PRUNE2: variants seen among roughly 807,000 people sequenced by gnomAD.
PRUNE2 encodes the protein prune homolog 2 with BCH domain, also known as protein prune homolog 2.
A neutral mutation model predicts 252.0 loss-of-function variants in PRUNE2; 164 were observed. That is an observed-to-expected ratio of 0.65 (90% CI 0.57 to 0.74). The LOEUF is 0.74. Among genes scored for constraint, PRUNE2 ranks in the 30% least tolerant of loss-of-function variants. The pLI, the probability that PRUNE2 is intolerant of heterozygous loss-of-function variation, is 0.00. For missense variants in PRUNE2, 3,495 were observed against 3,711.0 expected, an observed-to-expected ratio of 0.94 and a Z score of 1.51; for synonymous variants, 1,292 against 1,350.2, an observed-to-expected ratio of 0.96 and a Z score of 0.94.
At chr9:76,833,721 C>A (rs1287698485) in intron 4 of PRUNE2, among the ~76,000 whole-genome samples, 1 of 150,260 alleles carries the variant, frequency 6.7e-6, no homozygotes, top group Non-Finnish European at 1.5e-5. Flanking sequence ...GCCGAGATTG[C>A]GCCACTGCAC....
chr9:76,792,401 T>C (rs2055641568), intron 6 of PRUNE2, among the ~76,000 whole-genome samples: 1 of 152,176 alleles, frequency 6.6e-6, no homozygotes, highest in Admixed American at 6.6e-5. Flanking sequence ...ATCTCGGGTA[T>C]GTCCTTATTA....
chr9:76,676,484 A>G (rs2042610819), intron 9 of PRUNE2, among the ~76,000 whole-genome samples: 1 of 152,180 alleles, frequency 6.6e-6, no homozygotes, highest in Non-Finnish European at 1.5e-5. Flanking sequence ...ATACATTTAT[A>G]TGCATTTTTA....
intron 6 of PRUNE2, among the ~76,000 whole-genome samples, chr9:76,777,161 A>G (rs948130752): frequency 1.3e-5 from 2 of 152,080 alleles, no homozygotes; most frequent in Non-Finnish European, 2.9e-5. Flanking sequence ...CAGAGAAGGG[A>G]AGAAATGCAA....
intron 6 of PRUNE2, among the ~76,000 whole-genome samples, chr9:76,722,486 A>C (rs1412195948): frequency 6.6e-6 from 1 of 152,218 alleles, no homozygotes; most frequent in Non-Finnish European, 1.5e-5. Flanking sequence ...TAGACAGTAC[A>C]TATTATCATT....
intron 17 of PRUNE2, among the ~76,000 whole-genome samples, chr9:76,623,295 T>A (rs1374681805): frequency 8.1e-5 from 12 of 148,270 alleles, no homozygotes; most frequent in Admixed American, 6.0e-4. Flanking sequence ...AGAGAATGAC[T>A]GGATTTTTTT....
chr9:76,717,398 T>C (rs1367211981), intron 6 of PRUNE2, among the ~76,000 whole-genome samples: 2 of 152,190 alleles, frequency 1.3e-5, no homozygotes, highest in Non-Finnish European at 2.9e-5. Context: ...GTGGCTCTTA[T>C]GTTGCTGACA....
intron 6 of PRUNE2, among the ~76,000 whole-genome samples, chr9:76,743,974 A>T (rs2049880030): frequency 1.3e-5 from 2 of 152,250 alleles, no homozygotes; most frequent in Admixed American, 1.3e-4. Flanking sequence ...ATAGTAAAAC[A>T]AACTATGAGG....
At chr9:76,626,710 G>C (rs550712090) in intron 16 of PRUNE2, among the ~76,000 whole-genome samples, 1 of 152,188 alleles carries the variant, frequency 6.6e-6, no homozygotes, top group Admixed American at 6.5e-5. Context: ...AGCAACAGGT[G>C]TAACAATAAA....
At chr9:76,621,913 T>C (rs1832503199) in intron 17 of PRUNE2, among the ~76,000 whole-genome samples, 1 of 152,004 alleles carries the variant, frequency 6.6e-6, no homozygotes, top group Non-Finnish European at 1.5e-5. Flanking sequence ...CTCTAACTCC[T>C]GGCCTCAAGC....
intron 1 of PRUNE2, among the ~76,000 whole-genome samples, chr9:76,879,756 G>A (rs1415362452): frequency 6.6e-6 from 1 of 151,006 alleles, no homozygotes; most frequent in Non-Finnish European, 1.5e-5. Flanking sequence ...TCAGCAAAGG[G>A]TACAGCAAAG....
At chr9:76,633,154 G>A (rs571347669) in intron 15 of PRUNE2, among the ~76,000 whole-genome samples, 19 of 152,180 alleles carry the variant, frequency 1.2e-4, no homozygotes, top group Admixed American at 3.3e-4. Flanking sequence ...CCTGGGAGGC[G>A]GAGGCTGCAG....
chr9:76,724,303 CAAAA>C (rs796291956), intron 6 of PRUNE2, among the ~76,000 whole-genome samples: 2 of 69,416 alleles, frequency 2.9e-5, no homozygotes, highest in East Asian at 5.2e-4. Flanking sequence ...GATAGAAATA[CAAAA>C]AAAAAAAAAA....
In PRUNE2 at chr9:76,729,523, C is replaced by T. The variant is rs543435434; in HGVS notation, c.757-15802G>A. 3.3e-5 allele frequency among the ~76,000 whole-genome samples: 5 copies of T among 152,252 alleles called. No homozygotes were observed. In the East Asian group the frequency reaches 9.7e-4, roughly 29 times the overall value. ...GTATAAAATTCTTGCTTCTACTTTG[C>T]TTGGCTCTTTAGAAATGAAAGTATA... On this transcript the variant is annotated intron_variant, in intron 6 of 18. Transcript: ENST00000376718.
intron 6 of PRUNE2, among the ~76,000 whole-genome samples, chr9:76,806,847 A>G (rs1182758417): frequency 1.3e-5 from 2 of 151,886 alleles, no homozygotes; most frequent in Non-Finnish European, 2.9e-5. Context: ...TTTTGCAAAT[A>G]TTAACCCATT....
chr9:76,826,461 A>T, intron 5 of PRUNE2, 119 bp downstream of exon 5: 1 of 752,288 alleles, frequency 1.3e-6, no homozygotes, highest in Non-Finnish European at 2.1e-6. Context: ...GGATAGAGTG[A>T]GACTCTGTAT....
chr9:76,732,200 G>A (rs2048680334), intron 6 of PRUNE2, among the ~76,000 whole-genome samples: 1 of 152,164 alleles, frequency 6.6e-6, no homozygotes, highest in African/African-American at 2.4e-5. Context: ...TGTAGTCCCA[G>A]CTACTGGGGG....
At position 76,710,383 on chromosome 9, in the gene PRUNE2, T is replaced by C. The variant is rs138087485; in HGVS notation, c.1891A>G (p.Thr631Ala). The change falls in exon 8 of 19, where the codon ACA (threonine) becomes GCA (alanine). Residue 631 changes from threonine to alanine, a missense_variant. By Grantham distance (58) the Thr-to-Ala change is moderately conservative. Transcript: ENST00000376718. ...PSTEEPASLY[T>A]EDMTQKATDT... Reference sequence around the variant, plus strand: ...GTTGCTTTTTGGGTCATATCTTCTGTATAGAGTGAGGCTGGTTCTTCAGTG... The same window carrying C: ...GTTGCTTTTTGGGTCATATCTTCTGCATAGAGTGAGGCTGGTTCTTCAGTG... The C allele has an allele frequency of 1.9e-4, 311 of 1,613,960 alleles. 1 individual carries two copies. The highest frequency in any genetic ancestry group is 1.2e-3 in the Middle Eastern group (7 of 6,062).
intron 15 of PRUNE2, among the ~76,000 whole-genome samples, chr9:76,631,567 CT>C (rs1837624837): frequency 6.6e-6 from 1 of 152,202 alleles, no homozygotes; most frequent in Non-Finnish European, 1.5e-5. Context: ...GTTATTGTAA[CT>C]GTTCACTTGT....
intron 6 of PRUNE2, chr9:76,808,500 T>C (rs2057136647): frequency 1.3e-5 from 2 of 152,240 alleles, no homozygotes; most frequent in Non-Finnish European, 2.9e-5. Context: ...GATTTTAAAC[T>C]TGATCTACAT....
Sources: allele counts gnomAD v4.1 joint callset (sites outside exome capture counted in the v4.1 genomes callset), GRCh38; gene constraint gnomAD v4.1.1; transcripts MANE v1.5; gene names NCBI Gene and HGNC (gene_info 2026-07-23, HGNC 2026-07-21).